The following ALK variants were observed in gnomAD, a reference collection of about 807,000 sequenced individuals.
ALK encodes ALK tyrosine kinase receptor.
ALK carries 74 observed loss-of-function variants against 163.1 expected under a neutral mutation model. That is an observed-to-expected ratio of 0.45 (90% CI 0.38 to 0.55). ALK has a LOEUF of 0.55. Ranked by LOEUF, ALK falls within the 20% of genes least tolerant of loss-of-function variation. The pLI is 0.00. For synonymous variants in ALK, 960 were observed against 843.2 expected (o/e 1.14, Z -2.40); for missense variants, 2,063 against 2,105.3 (o/e 0.98, Z 0.39).
At chr2:29,562,060 G>C (rs562126373) in intron 3 of ALK, among the ~76,000 whole-genome samples, 1 of 152,164 alleles carries the variant, frequency 6.6e-6, no homozygotes, top group South Asian at 2.1e-4. Context: ...AGCAGGCCAA[G>C]CAAAGTTTAT....
At chr2:29,388,990 G>A (rs1182139165) in intron 4 of ALK, among the ~76,000 whole-genome samples, 2 of 152,192 alleles carry the variant, frequency 1.3e-5, no homozygotes, top group African/African-American at 2.4e-5. Flanking sequence ...CTCACTTAGA[G>A]TAAAAGCTTC....
chr2:29,445,021 G>A (rs1381029488), intron 4 of ALK, among the ~76,000 whole-genome samples: 1 of 152,182 alleles, frequency 6.6e-6, no homozygotes, highest in Non-Finnish European at 1.5e-5. Flanking sequence ...AAAGGAGCCA[G>A]GATTTGAACT....
At chr2:29,444,893 C>T (rs1298175528) in intron 4 of ALK, among the ~76,000 whole-genome samples, 1 of 152,178 alleles carries the variant, frequency 6.6e-6, no homozygotes, top group Non-Finnish European at 1.5e-5. Flanking sequence ...TGTCCACATA[C>T]AGGCTTACCC....
intron 4 of ALK, among the ~76,000 whole-genome samples, chr2:29,500,508 T>A (rs983445022): frequency 6.6e-6 from 1 of 152,138 alleles, no homozygotes; most frequent in Non-Finnish European, 1.5e-5. Flanking sequence ...TTACCTAATC[T>A]CAGAACTAAT....
chr2:29,246,499 A>G lies in ALK; in HGVS notation c.2204+4606T>C, dbSNP rs1222526270. Among the ~76,000 whole-genome samples the G allele has an allele frequency of 6.6e-6, 1 of 152,020 alleles. No homozygotes were observed. The highest frequency in any genetic ancestry group is 2.4e-5 in the African/African-American group (1 of 41,392). On this transcript the variant is annotated intron_variant, in intron 12 of 28. Transcript: ENST00000389048. This position sits in a 1 kb window ranked among gnomAD's most constrained non-coding sequence, Gnocchi z 4.3. ...TCCAGCCACCCACCCTCTAGACACC[A>G]TGGTTACTCAGCACCACGGCCCAGA... is the stretch of plus-strand genomic sequence containing the variant.
intron 28 of ALK, among the ~76,000 whole-genome samples, chr2:29,195,531 G>A (rs1482975052): frequency 6.6e-6 from 1 of 152,118 alleles, no homozygotes; most frequent in Non-Finnish European, 1.5e-5. Flanking sequence ...TCAGGAGTTC[G>A]AGATCAGCCT....
intron 4 of ALK, among the ~76,000 whole-genome samples, chr2:29,463,079 C>T (rs6754936): frequency 0.25 from 37,984 of 152,014 alleles, 4,949 homozygotes; most frequent in East Asian, 0.33. Flanking sequence ...ATCGTAAAAA[C>T]CTACACCATA....
Position 29,785,288 on chromosome 2 carries a change from G to A in ALK, c.668-67591C>T, listed in dbSNP as rs575449186. On this transcript the variant is annotated intron_variant, in intron 1 of 28. Coordinates refer to ENST00000389048, the MANE Select transcript of ALK (RefSeq NM_004304.5). Reference sequence around the variant, plus strand: ...ATATATGAGGGGAGTGGGGAGGTGGGAGCCATTTCAGCAGAACATACCGAT... The same window carrying A: ...ATATATGAGGGGAGTGGGGAGGTGGAAGCCATTTCAGCAGAACATACCGAT... 6.6e-5 allele frequency among the ~76,000 whole-genome samples: 10 copies of A among 152,222 alleles called. No individual in the cohort carries two copies. In the South Asian group the frequency reaches 2.1e-3, roughly 32 times the overall value.
intron 1 of ALK, among the ~76,000 whole-genome samples, chr2:29,788,643 C>A (rs1664107258): frequency 6.6e-6 from 1 of 152,252 alleles, no homozygotes; most frequent in East Asian, 1.9e-4. Context: ...ACTCAAAGAA[C>A]CTCAGTAAGA....
intron 3 of ALK, among the ~76,000 whole-genome samples, chr2:29,546,341 TAGAA>T (rs1432953482): frequency 1.3e-5 from 2 of 152,098 alleles, no homozygotes; most frequent in East Asian, 1.9e-4. Context: ...AGCAAATAAA[TAGAA>T]AGAAACAGAA....
chr2:29,290,720 T>C (rs1429481742), intron 9 of ALK, among the ~76,000 whole-genome samples: 1 of 152,222 alleles, frequency 6.6e-6, no homozygotes, highest in African/African-American at 2.4e-5. Context: ...TGGTTAGACT[T>C]GGTACATGAA....
rs904328967 is a variant in ALK at position 29,305,301 on chromosome 2, G to A, written c.1648-8244C>T. On this transcript the variant is annotated intron_variant, in intron 8 of 28. Coordinates refer to ENST00000389048, the MANE Select transcript of ALK (RefSeq NM_004304.5). ...CTCTAGAAAAAGACTGAGAATAACC[G>A]AGAGAGAGAAAAAGAGAGAGAGACC... Among the ~76,000 whole-genome samples, 4 of 152,114 alleles carry A rather than the reference G, an allele frequency of 2.6e-5. No individual in the cohort carries two copies. In the South Asian group the frequency reaches 6.2e-4, roughly 24 times the overall value.
rs553333897 is a variant in ALK at position 29,193,350 on chromosome 2, A to G, written c.4737T>C (p.Cys1579=). 2 of 1,614,174 alleles carry G rather than the reference A, an allele frequency of 1.2e-6. No individual in the cohort carries two copies. Among genetic ancestry groups the G allele is most frequent in the Admixed American group, 3.3e-5 (2 of 60,032 alleles). Reference sequence around the variant, plus strand: ...GCTGGTAGCCGTAATTGACATTCCCACAAGGGAAGTGACGTAGCCTGAACA... The same window carrying G: ...GCTGGTAGCCGTAATTGACATTCCCGCAAGGGAAGTGACGTAGCCTGAACA... ...VPLFRLRHFP[C]GNVNYGYQQQ... is the part of the protein sequence containing the mutation. Residue 1579 remains cysteine, a synonymous_variant, in exon 29 of 29, where the codon TGT becomes TGC. Coordinates refer to ENST00000389048, the MANE Select transcript of ALK (RefSeq NM_004304.5).
chr2:29,396,836 GTTTTTTTTTT>G (rs10654058), intron 4 of ALK, among the ~76,000 whole-genome samples: 1 of 46,618 alleles, frequency 2.1e-5, no homozygotes, highest in African/African-American at 9.3e-5. Context: ...TGTTACTATG[GTTTTTTTTTT>G]TTTTTTTTTT....
chr2:29,232,963 T>G (rs1017694729), intron 14 of ALK, among the ~76,000 whole-genome samples: 1 of 152,148 alleles, frequency 6.6e-6, no homozygotes, highest in Non-Finnish European at 1.5e-5. Context: ...GTCAGCAAAG[T>G]CCACCTTAGG....
intron 4 of ALK, among the ~76,000 whole-genome samples, chr2:29,529,501 A>G (rs4666234): frequency 0.16 from 24,463 of 152,186 alleles, 2,353 homozygotes; most frequent in East Asian, 0.32. Context: ...AAATCCAAAG[A>G]TTCTTGAGAC....
intron 3 of ALK, among the ~76,000 whole-genome samples, chr2:29,596,572 G>A (rs1486372353): frequency 6.6e-6 from 1 of 152,206 alleles, no homozygotes; most frequent in Non-Finnish European, 1.5e-5. Flanking sequence ...GTAGGGGTGT[G>A]TGGAGAGAGG....
intron 23 of ALK, 37 bp from the exon 24 acceptor site, chr2:29,214,118 T>C (rs1204083479): frequency 6.4e-7 from 1 of 1,572,644 alleles, no homozygotes; most frequent in African/African-American, 1.3e-5. Context: ...GACGAGGAGC[T>C]TGTCAGTGAG....
At chr2:29,841,905 C>G (rs1665711434) in intron 1 of ALK, among the ~76,000 whole-genome samples, 1 of 152,214 alleles carries the variant, frequency 6.6e-6, no homozygotes, top group Admixed American at 6.5e-5. Context: ...ATCCTCCACT[C>G]TTACCCCAGC....
Sources: gnomAD v4.1 joint callset for allele counts (sites outside exome capture counted in the v4.1 genomes callset) on GRCh38, gnomAD v4.1.1 for gene constraint, Gnocchi (gnomAD v3.1) non-coding constraint, MANE v1.5 for transcripts, NCBI Gene and HGNC (gene_info 2026-07-23, HGNC 2026-07-21) for gene names.